Variants in UNC13C observed in about 807,000 individuals in gnomAD.
UNC13C encodes the protein unc-13 homolog C, also known as protein unc-13 homolog C.
In UNC13C, 174 loss-of-function variants were observed where a neutral mutation model predicts 245.4. That is an observed-to-expected ratio of 0.71 (90% confidence interval 0.63 to 0.80). UNC13C has a LOEUF of 0.80. Ranked by LOEUF, UNC13C falls within the 30% of genes least tolerant of loss-of-function variation. UNC13C has a pLI of 0.00. For synonymous variants in UNC13C, 992 were observed against 895.1 expected (o/e 1.11, Z -1.93); for missense variants, 2,829 against 2,602.9 (o/e 1.09, Z -1.89).
chr15:54,509,213 A>G (rs1466924516), intron 23 of UNC13C, among the ~76,000 whole-genome samples: 1 of 152,200 alleles, frequency 6.6e-6, no homozygotes, highest in East Asian at 1.9e-4. Flanking sequence ...AAACATACAA[A>G]CAAAAAAGAT....
At chr15:53,858,431 T>G in the UNC13C span, among the ~76,000 whole-genome samples, 1 of 151,898 alleles carries the variant, frequency 6.6e-6, no homozygotes, top group Non-Finnish European at 1.5e-5. Context: ...TTTGTTTGTT[T>G]TTTTTTTGAG....
chr15:54,455,205 C>CTATATATATA (rs1214014395), intron 19 of UNC13C, among the ~76,000 whole-genome samples: 244 of 18,918 alleles, frequency 0.013, 12 homozygotes, highest in Admixed American at 0.018. Context: ...CTCTCTCTCT[C>CTATATATATA]TATATATATA....
At chr15:54,113,178 A>G (rs1353795116) in intron 2 of UNC13C, among the ~76,000 whole-genome samples, 1 of 152,114 alleles carries the variant, frequency 6.6e-6, no homozygotes, top group East Asian at 1.9e-4. Context: ...TATTGCATGT[A>G]AAGTCTGTCA....
intron 24 of UNC13C, among the ~76,000 whole-genome samples, chr15:54,522,883 C>T (rs187412856): frequency 2.0e-5 from 3 of 152,104 alleles, no homozygotes; most frequent in South Asian, 2.1e-4. Flanking sequence ...TATGAATATT[C>T]GAAATTTTTC....
intron 6 of UNC13C, among the ~76,000 whole-genome samples, chr15:54,237,278 C>T (rs1490667416): frequency 4.6e-5 from 7 of 152,138 alleles, no homozygotes; most frequent in Non-Finnish European, 1.0e-4. Context: ...GAATATATCA[C>T]AACCACCTTG....
At chr15:54,072,434 C>G (rs946314412) in intron 2 of UNC13C, among the ~76,000 whole-genome samples, 1 of 152,124 alleles carries the variant, frequency 6.6e-6, no homozygotes, top group African/African-American at 2.4e-5. Flanking sequence ...CTGAGGCTGT[C>G]CTTTGCACTC....
Position 54,136,927 on chromosome 15 carries a change from A to C in UNC13C, c.2984-6091A>C, listed in dbSNP as rs1024231892. Among the ~76,000 whole-genome samples the C allele has an allele frequency of 2.0e-5, 3 of 151,996 alleles. No homozygotes were observed. The South Asian group carries it at 6.2e-4, about 32-fold the overall frequency. ...TACCATCTAGGCTCACTGCAGCCTC[A>C]ATATTCTCAATCAGTCCTCCCATCT... is the stretch of plus-strand genomic sequence containing the variant. On this transcript the variant is annotated intron_variant, in intron 2 of 32. Coordinates refer to ENST00000260323, the MANE Select transcript of UNC13C (RefSeq NM_001080534.3).
At chr15:54,183,502 A>T (rs1433239878) in intron 4 of UNC13C, among the ~76,000 whole-genome samples, 1 of 151,880 alleles carries the variant, frequency 6.6e-6, no homozygotes. Context: ...ATCACTTTTT[A>T]TTGAAATGAT....
At chr15:54,496,832 G>A (rs967681114) in intron 20 of UNC13C, among the ~76,000 whole-genome samples, 2 of 151,078 alleles carry the variant, frequency 1.3e-5, no homozygotes, top group Non-Finnish European at 2.9e-5. Flanking sequence ...GGGAAGTTGG[G>A]GGGGAAGGAT....
chr15:54,546,605 A>G (rs1896491231), intron 26 of UNC13C, 117 bp from the exon 27 acceptor site: 1 of 541,070 alleles, frequency 1.8e-6, no homozygotes, highest in Non-Finnish European at 3.0e-6. Flanking sequence ...TTTTGAGATT[A>G]TACATTTTGT....
At chr15:54,140,745 G>C (rs951739440) in intron 2 of UNC13C, among the ~76,000 whole-genome samples, 1 of 152,224 alleles carries the variant, frequency 6.6e-6, no homozygotes, top group African/African-American at 2.4e-5. Flanking sequence ...TGATGTGAAT[G>C]AGATATAATG....
chr15:54,057,871 T>C (rs1364248355), intron 2 of UNC13C, among the ~76,000 whole-genome samples: 9 of 152,138 alleles, frequency 5.9e-5, no homozygotes, highest in Admixed American at 3.9e-4. Context: ...ACTGGGTACA[T>C]AACGAAACGA....
At chr15:54,005,378 C>T (rs917304393) in intron 1 of UNC13C, among the ~76,000 whole-genome samples, 6 of 152,110 alleles carry the variant, frequency 3.9e-5, no homozygotes, top group African/African-American at 1.4e-4. Context: ...AAACCGGTCA[C>T]GTTGGTTGCA....
chr15:54,564,441 G>T (rs1897421943), intron 29 of UNC13C, among the ~76,000 whole-genome samples: 2 of 151,988 alleles, frequency 1.3e-5, no homozygotes. Flanking sequence ...CAAAGTCCCA[G>T]AGTTCTACAA....
intron 1 of UNC13C, among the ~76,000 whole-genome samples, chr15:53,984,472 C>T (rs1471147856): frequency 6.6e-6 from 1 of 152,014 alleles, no homozygotes; most frequent in African/African-American, 2.4e-5. Flanking sequence ...AGAATAAATC[C>T]CTTAAGTACA....
At chr15:54,551,065 C>G (rs1450701271) in intron 28 of UNC13C, among the ~76,000 whole-genome samples, 3 of 152,118 alleles carry the variant, frequency 2.0e-5, no homozygotes, top group Non-Finnish European at 2.9e-5. Context: ...AGGGAATTTA[C>G]TGCTACATGA....
chr15:54,514,652 C>A (rs1894889736), intron 24 of UNC13C, among the ~76,000 whole-genome samples: 2 of 152,222 alleles, frequency 1.3e-5, no homozygotes, highest in African/African-American at 4.8e-5. Flanking sequence ...CGTGCTACTG[C>A]AGCTCCCTGC....
At chr15:54,089,441 G>A (rs373651440) in intron 2 of UNC13C, among the ~76,000 whole-genome samples, 15 of 152,198 alleles carry the variant, frequency 9.9e-5, no homozygotes, top group South Asian at 4.1e-4. Flanking sequence ...TCAATTACTC[G>A]TGTGTAGATT....
chr15:54,034,467 C>G (rs1270170368), intron 2 of UNC13C, among the ~76,000 whole-genome samples: 1 of 152,066 alleles, frequency 6.6e-6, no homozygotes, highest in Non-Finnish European at 1.5e-5. Context: ...GTGGTATTAA[C>G]TCTGTTTTCT....
Sources: gnomAD v4.1 joint callset for allele counts (sites outside exome capture counted in the v4.1 genomes callset) on GRCh38, gnomAD v4.1.1 for gene constraint, MANE v1.5 for transcripts, NCBI Gene and HGNC (gene_info 2026-07-23, HGNC 2026-07-21) for gene names.